IMMP2L: variants seen among roughly 807,000 people sequenced by gnomAD.
IMMP2L encodes the protein mitochondrial inner membrane protease subunit 2.
A neutral mutation model predicts 19.3 loss-of-function variants in IMMP2L; 18 were observed. The observed-to-expected ratio is 0.93, with a 90% CI of 0.64 to 1.38. The LOEUF (loss-of-function observed/expected upper bound fraction) is 1.38. Among genes scored for constraint, IMMP2L ranks in the 40% most tolerant of loss-of-function variants. IMMP2L has a pLI of 0.00. For missense variants in IMMP2L, 233 were observed against 218.2 expected (o/e 1.07, Z -0.43); for synonymous variants, 76 against 73.0 (o/e 1.04, Z -0.21).
intron 4 of IMMP2L, among the ~76,000 whole-genome samples, chr7:110,948,240 T>A (rs62464030): frequency 0.12 from 17,557 of 152,128 alleles, 1,731 homozygotes; most frequent in African/African-American, 0.27. Context: ...TCCAACTCTA[T>A]AAAACAGCAA....
intron 3 of IMMP2L, among the ~76,000 whole-genome samples, chr7:110,977,953 T>C (rs1314913809): frequency 6.6e-6 from 1 of 152,048 alleles, no homozygotes; most frequent in African/African-American, 2.4e-5. Context: ...ACCAATTTTG[T>C]GTGGAAAGTA....
At chr7:111,312,916 A>C (rs1823670309) in intron 3 of IMMP2L, among the ~76,000 whole-genome samples, 1 of 152,150 alleles carries the variant, frequency 6.6e-6, no homozygotes, top group South Asian at 2.1e-4. Flanking sequence ...GAAACTGATT[A>C]TACAGTTGTT....
intron 3 of IMMP2L, among the ~76,000 whole-genome samples, chr7:111,254,578 A>G (rs1295459647): frequency 6.6e-6 from 1 of 152,122 alleles, no homozygotes; most frequent in African/African-American, 2.4e-5. Flanking sequence ...TGGGTAATTG[A>G]TGAACCCAAT....
chr7:110,949,786 C>T (rs1817607756), intron 4 of IMMP2L, among the ~76,000 whole-genome samples: 1 of 151,966 alleles, frequency 6.6e-6, no homozygotes, highest in Non-Finnish European at 1.5e-5. Context: ...GCCAACACGT[C>T]GCAATATGCA....
In IMMP2L at chr7:111,508,187, A is replaced by G. The variant is rs1468303350; in HGVS notation, c.135+13126T>C. 2.6e-5 allele frequency among the ~76,000 whole-genome samples: 4 copies of G among 152,230 alleles called. No individual in the cohort carries two copies. In the South Asian group the frequency reaches 8.3e-4, roughly 32 times the overall value. Reference sequence around the variant, plus strand: ...GATAGTTTATATTTTAAAAAGAAAGAAAAAAATTCACTGACAAAAAAATAA... The same window carrying G: ...GATAGTTTATATTTTAAAAAGAAAGGAAAAAATTCACTGACAAAAAAATAA... On this transcript the variant is annotated intron_variant, in intron 2 of 5. Transcript: ENST00000405709.
At position 110,870,902 on chromosome 7, in the gene IMMP2L, G is replaced by T. The variant is rs964453157; in HGVS notation, c.408+15691C>A. Reference sequence around the variant, plus strand: ...CTAGAGATCGGGTTTGAGGATAACTGTAAGATAACTGCAGCTGCCACAGAG... The same window carrying T: ...CTAGAGATCGGGTTTGAGGATAACTTTAAGATAACTGCAGCTGCCACAGAG... On this transcript the variant is annotated intron_variant, in intron 5 of 5. Coordinates refer to ENST00000405709, the MANE Select transcript of IMMP2L (RefSeq NM_032549.4). The surrounding 1 kb of genome is among the most constrained non-coding windows in gnomAD (Gnocchi z 4.2). Among the ~76,000 whole-genome samples, 1 of 152,140 alleles carries T rather than the reference G, an allele frequency of 6.6e-6. No individual in the cohort carries two copies. Among genetic ancestry groups the T allele is most frequent in the Admixed American group, 6.6e-5 (1 of 15,266 alleles).
chr7:111,159,157 C>A (rs568931359), intron 3 of IMMP2L, among the ~76,000 whole-genome samples: 326 of 152,198 alleles, frequency 2.1e-3, no homozygotes, highest in Non-Finnish European at 3.8e-3. Flanking sequence ...GCTCTGTTAC[C>A]CAGGTTGGAG....
At chr7:111,341,145 G>A (rs1329160850) in intron 3 of IMMP2L, among the ~76,000 whole-genome samples, 1 of 152,064 alleles carries the variant, frequency 6.6e-6, no homozygotes, top group Non-Finnish European at 1.5e-5. Flanking sequence ...GAGCAATATT[G>A]AGAATAATTG....
intron 1 of IMMP2L, among the ~76,000 whole-genome samples, chr7:111,537,510 T>A (rs1284557706): frequency 2.7e-5 from 4 of 149,944 alleles, no homozygotes. Context: ...ATTAGATTCC[T>A]AGTCTCATCA....
intron 3 of IMMP2L, among the ~76,000 whole-genome samples, chr7:111,216,802 TAAGGCA>T (rs1811971583): frequency 1.3e-5 from 2 of 152,092 alleles, no homozygotes; most frequent in South Asian, 4.1e-4. Context: ...GAATAACATT[TAAGGCA>T]ATAAGCCCTT....
intron 3 of IMMP2L, among the ~76,000 whole-genome samples, chr7:111,109,510 T>C (rs1798942099): frequency 6.6e-6 from 1 of 152,126 alleles, no homozygotes; most frequent in Non-Finnish European, 1.5e-5. Flanking sequence ...CAAGTACATA[T>C]ATATCTGCGA....
chr7:111,473,063 CTAT>C (rs1247060847), intron 3 of IMMP2L, among the ~76,000 whole-genome samples: 2 of 152,002 alleles, frequency 1.3e-5, no homozygotes, highest in Admixed American at 6.6e-5. Context: ...ACAAATAAAA[CTAT>C]TATTGTCATT....
chr7:111,369,230 T>C (rs942549618), intron 3 of IMMP2L, among the ~76,000 whole-genome samples: 2 of 151,988 alleles, frequency 1.3e-5, no homozygotes, highest in African/African-American at 2.4e-5. Context: ...AAAAATTGGT[T>C]TGAAATATTA....
intron 5 of IMMP2L, among the ~76,000 whole-genome samples, chr7:110,684,594 G>C (rs1792975330): frequency 6.6e-6 from 1 of 151,968 alleles, no homozygotes; most frequent in African/African-American, 2.4e-5. Context: ...AACTCTTGAT[G>C]CTTTATACAC....
At chr7:110,947,819 C>T (rs1157026382) in intron 4 of IMMP2L, among the ~76,000 whole-genome samples, 1 of 152,156 alleles carries the variant, frequency 6.6e-6, no homozygotes, top group Non-Finnish European at 1.5e-5. Flanking sequence ...CTGTCTGCTC[C>T]TGGCTTCATA....
In IMMP2L at chr7:110,666,264, C is replaced by CTTGT. The variant is rs144304704; in HGVS notation, c.409-2547_409-2544dup. The stretch of plus-strand genomic sequence containing the variant: ...ACATTTCTTTAAAGTGCCTTGGTTT[C>CTTGT]TTGTTTGTTTGTTTGTTTGTTTGCT... On this transcript the variant is annotated intron_variant, in intron 5 of 5. Transcript: ENST00000405709. Among the ~76,000 whole-genome samples the CTTGT allele has an allele frequency of 3.5e-3, 526 of 151,772 alleles. 2 individuals carry two copies. Among genetic ancestry groups the CTTGT allele is most frequent in the African/African-American group, 0.011 (459 of 41,300 alleles).
chr7:111,549,827 G>C (rs1233566790), intron 1 of IMMP2L, among the ~76,000 whole-genome samples: 1 of 151,754 alleles, frequency 6.6e-6, no homozygotes, highest in Non-Finnish European at 1.5e-5. Context: ...TGTAATCCCA[G>C]CTACTTGGGA....
At chr7:111,305,196 G>A (rs1389370879) in intron 3 of IMMP2L, among the ~76,000 whole-genome samples, 1 of 152,000 alleles carries the variant, frequency 6.6e-6, no homozygotes, top group Non-Finnish European at 1.5e-5. Flanking sequence ...AGAAGAGTAC[G>A]AGCAGAGTTG....
chr7:110,916,297 G>C (rs1489419937), intron 4 of IMMP2L, among the ~76,000 whole-genome samples: 2 of 152,132 alleles, frequency 1.3e-5, no homozygotes, highest in Non-Finnish European at 2.9e-5. Context: ...TGGAAATGGT[G>C]ATTCTTTGAA....
Sources: allele counts gnomAD v4.1 joint callset (sites outside exome capture counted in the v4.1 genomes callset), GRCh38; gene constraint gnomAD v4.1.1; non-coding constraint Gnocchi (gnomAD v3.1); transcripts MANE v1.5; gene names NCBI Gene and HGNC (gene_info 2026-07-23, HGNC 2026-07-21).